DYNC1I1: variants seen among roughly 807,000 people sequenced by gnomAD.
DYNC1I1 encodes the protein cytoplasmic dynein 1 intermediate chain 1.
A neutral mutation model predicts 86.6 loss-of-function variants in DYNC1I1; 43 were observed. The observed-to-expected ratio is 0.50, with a 90% CI of 0.39 to 0.64. The LOEUF is 0.64. DYNC1I1 is among the 30% of genes least tolerant of loss of function. DYNC1I1 has a pLI of 0.00. For missense variants in DYNC1I1, 604 were observed against 788.8 expected (o/e 0.77, Z 2.81); for synonymous variants, 262 against 283.7 (o/e 0.92, Z 0.77).
At chr7:95,920,120 C>A (rs1400632591) in intron 6 of DYNC1I1, among the ~76,000 whole-genome samples, 1 of 152,090 alleles carries the variant, frequency 6.6e-6, no homozygotes, top group Admixed American at 6.5e-5. Context: ...ATCCTATAGT[C>A]GAGGAACTGG....
Position 95,830,820 on chromosome 7 carries a change from C to T in DYNC1I1, c.374+2704C>T, listed in dbSNP as rs147194607. 1.3e-4 allele frequency among the ~76,000 whole-genome samples: 20 copies of T among 152,234 alleles called. No homozygotes were observed. In the South Asian group the frequency reaches 3.3e-3, roughly 25 times the overall value. On this transcript the variant is annotated intron_variant, in intron 5 of 16. Transcript: ENST00000447467. ...ATGGTTTTACCATTATGCATTCCCA[C>T]GAGCAGTTTATGAGAGCCTCGATTT...
intron 5 of DYNC1I1, 55 bp from the exon 6 acceptor site, chr7:95,869,828 C>T: frequency 4.7e-6 from 7 of 1,502,212 alleles, no homozygotes; most frequent in Admixed American, 1.8e-5. Flanking sequence ...TTACTGATAG[C>T]TCTTCTGCAA....
At chr7:95,955,409 A>T (rs1792684901) in intron 6 of DYNC1I1, among the ~76,000 whole-genome samples, 1 of 152,016 alleles carries the variant, frequency 6.6e-6, no homozygotes, top group Non-Finnish European at 1.5e-5. Context: ...TGCAGCCTTG[A>T]CCTCCTGGGT....
chr7:95,807,884 G>A (rs1166635619), intron 2 of DYNC1I1, among the ~76,000 whole-genome samples: 1 of 152,050 alleles, frequency 6.6e-6, no homozygotes, highest in South Asian at 2.1e-4. Context: ...AGCTTTCAAG[G>A]TCAGGGCTAT....
intron 6 of DYNC1I1, among the ~76,000 whole-genome samples, chr7:95,877,091 G>C (rs1584118032): frequency 6.6e-6 from 1 of 152,186 alleles, no homozygotes; most frequent in Non-Finnish European, 1.5e-5. Context: ...GGATGCAGCA[G>C]AAAACACAGG....
chr7:96,031,612 C>T (rs940134693), intron 11 of DYNC1I1, among the ~76,000 whole-genome samples: 1 of 152,140 alleles, frequency 6.6e-6, no homozygotes, highest in African/African-American at 2.4e-5. Flanking sequence ...TCCTTCTGAC[C>T]AGCAGTTTAT....
intron 6 of DYNC1I1, among the ~76,000 whole-genome samples, chr7:95,890,701 C>T (rs1790714003): frequency 6.6e-6 from 1 of 152,106 alleles, no homozygotes; most frequent in Non-Finnish European, 1.5e-5. Context: ...TCGCAGTCAC[C>T]AGAAAGGTAT....
intron 1 of DYNC1I1, among the ~76,000 whole-genome samples, chr7:95,777,811 T>C (rs1793883985): frequency 6.6e-6 from 1 of 152,182 alleles, no homozygotes. Context: ...CCAGTGTGCT[T>C]CATTATGCTT....
chr7:96,097,451 G>C, intron 16 of DYNC1I1, 32 bp from the exon 17 acceptor site: 1 of 1,612,060 alleles, frequency 6.2e-7, no homozygotes, highest in Admixed American at 1.7e-5. Flanking sequence ...AAGATATCTT[G>C]TTCATCATTT....
chr7:95,833,220 A>C (rs1788970376), intron 5 of DYNC1I1, among the ~76,000 whole-genome samples: 1 of 139,110 alleles, frequency 7.2e-6, no homozygotes, highest in African/African-American at 2.7e-5. Flanking sequence ...CATTTATTAA[A>C]TAGGGAATCC....
At chr7:96,034,316 AAC>A (rs1345352565) in intron 12 of DYNC1I1, among the ~76,000 whole-genome samples, 10 of 152,278 alleles carry the variant, frequency 6.6e-5, no homozygotes, top group South Asian at 2.1e-4. Context: ...GAAGATTATA[AAC>A]AGACATAAGA....
intron 6 of DYNC1I1, among the ~76,000 whole-genome samples, chr7:95,975,286 A>C (rs1269870311): frequency 6.6e-6 from 1 of 152,204 alleles, no homozygotes; most frequent in African/African-American, 2.4e-5. Context: ...CTGTTTAAAC[A>C]ACAGAAATGT....
intron 14 of DYNC1I1, among the ~76,000 whole-genome samples, chr7:96,065,955 C>T (rs1368137538): frequency 6.6e-6 from 1 of 152,206 alleles, no homozygotes; most frequent in Non-Finnish European, 1.5e-5. Flanking sequence ...GAATGTTAAA[C>T]ATCTCTGAAT....
intron 14 of DYNC1I1, among the ~76,000 whole-genome samples, chr7:96,075,075 C>T (rs1790290049): frequency 6.6e-6 from 1 of 152,194 alleles, no homozygotes; most frequent in African/African-American, 2.4e-5. Context: ...TTAGTAAAGC[C>T]ATTATGCAGA....
chr7:95,914,914 A>G, intron 6 of DYNC1I1, among the ~76,000 whole-genome samples: 1 of 152,166 alleles, frequency 6.6e-6, no homozygotes, highest in Non-Finnish European at 1.5e-5. Flanking sequence ...TTGCTCATGT[A>G]CTTCTCTTAA....
chr7:95,829,809 T>C (rs919372794), intron 5 of DYNC1I1, among the ~76,000 whole-genome samples: 1 of 152,056 alleles, frequency 6.6e-6, no homozygotes, highest in Admixed American at 6.6e-5. Flanking sequence ...AGATGGAGAC[T>C]TTCTGTTCAC....
At chr7:95,780,249 C>A (rs111394646) in intron 1 of DYNC1I1, among the ~76,000 whole-genome samples, 3,940 of 151,826 alleles carry the variant, frequency 0.026, 179 homozygotes, top group East Asian at 0.12. Context: ...CCTTTGCCTA[C>A]AATCACTTAA....
chr7:95,983,045 A>G (rs534710605), intron 7 of DYNC1I1, among the ~76,000 whole-genome samples: 1 of 152,300 alleles, frequency 6.6e-6, no homozygotes, highest in South Asian at 2.1e-4. Flanking sequence ...GCTTCAGTGC[A>G]TTGATTAACT....
intron 1 of DYNC1I1, among the ~76,000 whole-genome samples, chr7:95,784,631 A>C (rs1794081513): frequency 6.6e-6 from 1 of 152,214 alleles, no homozygotes; most frequent in African/African-American, 2.4e-5. Context: ...TACCTGCTGT[A>C]GCCCAAACTT....
Sources: gnomAD v4.1 joint callset for allele counts (sites outside exome capture counted in the v4.1 genomes callset) on GRCh38, gnomAD v4.1.1 for gene constraint, MANE v1.5 for transcripts, NCBI Gene and HGNC (gene_info 2026-07-23, HGNC 2026-07-21) for gene names.